LRWD1: variants seen among roughly 807,000 people sequenced by gnomAD.
The protein encoded by LRWD1 is leucine-rich repeat and WD repeat-containing protein 1.
In LRWD1, 76 loss-of-function variants were observed where a neutral mutation model predicts 75.6. That is an observed-to-expected ratio of 1.01 (90% CI 0.84 to 1.22). The LOEUF (loss-of-function observed/expected upper bound fraction) is 1.22, where lower values mean the gene tolerates loss of function less well. Among genes scored for constraint, LRWD1 ranks in the 50% most tolerant of loss-of-function variants. The pLI is 0.00. For missense variants in LRWD1, 917 were observed against 862.0 expected (o/e 1.06, Z -0.80); for synonymous variants, 487 against 377.0 (o/e 1.29, Z -3.38).
At position 102,465,054 on chromosome 7, in the gene LRWD1, G is replaced by A; in HGVS notation, c.-27G>A. On this transcript the variant is annotated 5_prime_UTR_variant, in exon 1 of 15. Coordinates refer to ENST00000292616, the MANE Select transcript of LRWD1 (RefSeq NM_152892.3). ...CGCCACACGCCGGGGTGGCCGACTG[G>A]GTCAGCGCGGGCTGCGCCTCCTCGC... 3.4e-6 allele frequency: 5 copies of A among 1,470,664 alleles called. No individual in the cohort carries two copies. The South Asian group carries it at 5.3e-5, about 16-fold the overall frequency. 91.1% of individuals were successfully genotyped at this position (1,470,664 alleles called of 1,614,324 possible).
rs1205615297 is a variant in LRWD1, at chr7:102,472,135, C to T, written c.1443-83C>T. 198 of 1,240,240 alleles carry T rather than the reference C, an allele frequency of 1.6e-4. 1 individual carries two copies. The highest frequency in any genetic ancestry group is 1.8e-4 in the Non-Finnish European group (156 of 865,008). 76.8% of individuals were successfully genotyped at this position (1,240,240 alleles called of 1,614,324 possible). A position where few individuals can be genotyped will look rare whatever the true frequency, so the allele number is the denominator to read the frequency against. ...CCTTCACACAGGGCAGGGTCCCCAG[C>T]AGGTGCGCTGCAGATGCCTGGGTGA... On this transcript the variant is annotated intron_variant, in intron 11 of 14. Coordinates refer to ENST00000292616, the MANE Select transcript of LRWD1 (RefSeq NM_152892.3).
intron 1 of LRWD1, chr7:102,465,432 T>C: frequency 2.8e-6 from 1 of 361,470 alleles, no homozygotes; most frequent in Non-Finnish European, 4.9e-6. Flanking sequence ...CCCCGAAGGA[T>C]CAGGAAGAGC....
In LRWD1 at chr7:102,472,246, G is replaced by C. The variant is rs561603036; in HGVS notation, c.1471G>C (p.Glu491Gln). Residue 491 changes from glutamate (E) to glutamine (Q), a missense_variant, in exon 12 of 15, where the codon GAG (glutamate) becomes CAG (glutamine). Transcript: ENST00000292616. ...RVCEVEFVFS[E>Q]GSEASGRRVD... ...GTGTGAAGTGGAATTCGTCTTCTCT[G>C]AGGGCTCCGAGGCATCTGGACGGAG... The C allele has an allele frequency of 6.3e-7, 1 of 1,596,518 alleles. No individual in the cohort carries two copies. The highest frequency in any genetic ancestry group is 8.5e-7 in the Non-Finnish European group (1 of 1,170,106).
At chr7:102,472,119 A>T in intron 11 of LRWD1, 99 bp from the exon 12 acceptor site, 1 of 1,084,204 alleles carries the variant, frequency 9.2e-7, no homozygotes, top group East Asian at 2.6e-5. Context: ...GCCTTCACAC[A>T]GGGCAGGGTC....
intron 9 of LRWD1, among the ~76,000 whole-genome samples, chr7:102,469,277 C>T (rs577893011): frequency 1.3e-5 from 2 of 152,334 alleles, no homozygotes; most frequent in East Asian, 1.9e-4. Flanking sequence ...TTCCAACAGC[C>T]TGGGCCACTC....
intron 4 of LRWD1, 70 bp from the exon 5 acceptor site, chr7:102,467,649 G>T (rs996111395): frequency 6.6e-7 from 1 of 1,521,914 alleles, no homozygotes; most frequent in African/African-American, 1.4e-5. Context: ...AGCTCCCCCT[G>T]ACTATGCATC....
intron 11 of LRWD1, 101 bp from the exon 12 acceptor site, chr7:102,472,117 A>G (rs1400431758): frequency 1.9e-6 from 2 of 1,074,706 alleles, no homozygotes; most frequent in African/African-American, 3.1e-5. Flanking sequence ...CAGCCTTCAC[A>G]CAGGGCAGGG....
At chr7:102,467,149 GTTGTTGCTGGGGTGTGTGT>G (rs1798017754) in intron 3 of LRWD1, among the ~76,000 whole-genome samples, 171 bp from the exon 4 acceptor site, 1 of 131,366 alleles carries the variant, frequency 7.6e-6, no homozygotes, top group Admixed American at 7.9e-5. Flanking sequence ...AGGCACCTGG[GTTGTTGCTGGGGTGTGTGT>G]GGGGTGTGTG....
Position 102,468,110 on chromosome 7 carries a change from T to A in LRWD1, c.727T>A (p.Ser243Thr). 1 of 1,610,458 alleles carries A rather than the reference T, an allele frequency of 6.2e-7. No individual in the cohort carries two copies. Among genetic ancestry groups the A allele is most frequent in the Non-Finnish European group, 8.5e-7 (1 of 1,179,440 alleles). ...GCCAGACGACGTCCCACTCAGCCTC[T>A]CTCCCAGCAAGCGGGCGTGTGCCTC... ...KRPDDVPLSLSPSKRACASPS... is the reference protein window; with the variant it reads ...KRPDDVPLSLTPSKRACASPS... Residue 243 changes from serine (S) to threonine (T), a missense_variant, in exon 6 of 15, where the codon TCT (serine) becomes ACT (threonine). Ser to Thr is a moderately conservative substitution (Grantham distance 58). Coordinates refer to ENST00000292616, the MANE Select transcript of LRWD1 (RefSeq NM_152892.3).
rs1798250267 is a variant in LRWD1 at position 102,472,784 on chromosome 7, G to A, written c.1783G>A (p.Ala595Thr). 1.2e-6 allele frequency: 2 copies of A among 1,613,426 alleles called. No homozygotes were observed. The highest frequency in any genetic ancestry group is 2.7e-5 in the African/African-American group (2 of 75,062). ...GAAGCAGCCACCCCTGCTGCCGGCA[G>A]CCCTGCAGGCCCCCACACAGGTACT... ...ILKQPPLLPA[A>T]LQAPTQILKW... is the part of the protein sequence containing the mutation. The change falls in exon 14 of 15, where the codon GCC becomes ACC. Residue 595 changes from alanine (A) to threonine (T), a missense_variant. By Grantham distance (58) the Ala-to-Thr change is moderately conservative. Transcript: ENST00000292616.
In LRWD1 at chr7:102,465,841, C is replaced by G. The variant is rs781734393; in HGVS notation, c.105C>G (p.Ser35=). The G allele has an allele frequency of 3.6e-5, 58 of 1,613,144 alleles. No homozygotes were observed. The highest frequency in any genetic ancestry group is 4.7e-5 in the Non-Finnish European group (56 of 1,179,980). Residue 35 remains serine (S), a synonymous_variant, in exon 2 of 15, where the codon TCC becomes TCG. Coordinates refer to ENST00000292616, the MANE Select transcript of LRWD1 (RefSeq NM_152892.3). ...SLDLSGLELL[S]EHLDPKLLCR... is the part of the protein sequence containing the mutation. Reference sequence around the variant, plus strand: ...GCCTGTCAGGATTGGAGCTGCTTTCCGAGCACCTGGACCCCAAACTCCTGT... The same window carrying G: ...GCCTGTCAGGATTGGAGCTGCTTTCGGAGCACCTGGACCCCAAACTCCTGT...
At chr7:102,465,720 G>A (rs538380556) in intron 1 of LRWD1, 97 bp from the exon 2 acceptor site, 1 of 853,998 alleles carries the variant, frequency 1.2e-6, no homozygotes, top group East Asian at 2.6e-5. Flanking sequence ...ACTTGTACGA[G>A]AAATGTCAGG....
chr7:102,470,617 G>C (rs373397379), intron 11 of LRWD1: 1 of 152,532 alleles, frequency 6.6e-6, no homozygotes, highest in African/African-American at 2.4e-5. Flanking sequence ...GGAGGAAATG[G>C]TACGTGCAAA....
At position 102,473,035 on chromosome 7, in the gene LRWD1, T is replaced by G; in HGVS notation, c.1930T>G (p.Trp644Gly). The G allele has an allele frequency of 6.2e-7, 1 of 1,612,736 alleles. No individual in the cohort carries two copies. Among genetic ancestry groups the G allele is most frequent in the Non-Finnish European group, 8.5e-7 (1 of 1,179,536 alleles). The change falls in exon 15 of 15, where the codon TGG becomes GGG. Residue 644 changes from tryptophan (W) to glycine (G), a missense_variant. Transcript: ENST00000292616. ...GACGGACTCCAACATCGTAGCCATC[T>G]GGGGGAGGATGTAGCCTCACACCAT... ...ALTDSNIVAI[W>G]GRM is the part of the protein sequence containing the mutation.
In LRWD1 at chr7:102,469,823, C is replaced by T. The variant is rs372020777; in HGVS notation, c.1383C>T (p.Ala461=). The change falls in exon 11 of 15, where the codon GCC becomes GCT. Residue 461 remains alanine, a synonymous_variant. Coordinates refer to ENST00000292616, the MANE Select transcript of LRWD1 (RefSeq NM_152892.3). The part of the protein sequence containing the change: ...VASCPDARLL[A]GCEGGCCCWD... The stretch of plus-strand genomic sequence containing the variant: ...CCTGCCCGGACGCCCGCCTGCTGGC[C>T]GGCTGCGAGGGCGGCTGCTGCTGCT... 1.7e-5 allele frequency: 27 copies of T among 1,606,356 alleles called. No individual in the cohort carries two copies. Among genetic ancestry groups the T allele is most frequent in the African/African-American group, 8.0e-5 (6 of 74,806 alleles).
chr7:102,468,511 G>A (rs1403867039), intron 7 of LRWD1, 43 bp from the exon 8 acceptor site: 3 of 1,551,354 alleles, frequency 1.9e-6, no homozygotes, highest in South Asian at 1.2e-5. Context: ...ACCTAGATGG[G>A]AAATGTCTCT....
intron 11 of LRWD1, 118 bp from the exon 12 acceptor site, chr7:102,472,100 T>G: frequency 1.1e-6 from 1 of 908,698 alleles, no homozygotes; most frequent in Non-Finnish European, 1.7e-6. Flanking sequence ...TGGTGGCATC[T>G]TCTGTGCAGC....
Position 102,465,865 on chromosome 7 carries a change from G to T in LRWD1, c.129G>T (p.Leu43=). 6 of 1,613,444 alleles carry T rather than the reference G, an allele frequency of 3.7e-6. No individual in the cohort carries two copies. Among genetic ancestry groups the T allele is most frequent in the Non-Finnish European group, 5.1e-6 (6 of 1,180,006 alleles). ...LLSEHLDPKL[L]CRLTQLQELD... The stretch of plus-strand genomic sequence containing the variant: ...CCGAGCACCTGGACCCCAAACTCCT[G>T]TGCCGCCTGACGCAGCTGCAGGAGC... Residue 43 remains leucine (L), a synonymous_variant, in exon 2 of 15, where the codon CTG becomes CTT. Coordinates refer to ENST00000292616, the MANE Select transcript of LRWD1 (RefSeq NM_152892.3).
Position 102,468,950 on chromosome 7 carries a change from C to A in LRWD1, c.1116C>A (p.Gly372=), listed in dbSNP as rs1425007402. The A allele has an allele frequency of 6.2e-7, 1 of 1,612,598 alleles. No individual in the cohort carries two copies. The highest frequency in any genetic ancestry group is 8.5e-7 in the Non-Finnish European group (1 of 1,179,898). ...WSVLAAAGLR[G]LVRLLHVRAG... ...TGCTGGCGGCTGCAGGCCTACGGGGCCTGGTCCGGCTGCTGCACGTGCGTG... is the reference window on the plus strand; with the variant it reads ...TGCTGGCGGCTGCAGGCCTACGGGGACTGGTCCGGCTGCTGCACGTGCGTG... Residue 372 remains glycine, a synonymous_variant, in exon 9 of 15, where the codon GGC becomes GGA. Transcript: ENST00000292616.
Sources: gnomAD v4.1 joint callset for allele counts (sites outside exome capture counted in the v4.1 genomes callset) on GRCh38, gnomAD v4.1.1 for gene constraint, MANE v1.5 for transcripts, NCBI Gene and HGNC (gene_info 2026-07-23, HGNC 2026-07-21) for gene names.